The following SLC51A variants were observed in gnomAD, a reference collection of about 807,000 sequenced individuals.
The protein encoded by SLC51A is organic solute transporter subunit alpha.
SLC51A carries 22 observed loss-of-function variants against 34.8 expected under a neutral mutation model. The observed-to-expected ratio is 0.63, with a 90% CI of 0.45 to 0.90. The LOEUF (loss-of-function observed/expected upper bound fraction) is 0.90. Among genes scored for constraint, SLC51A ranks in the 40% least tolerant of loss-of-function variants. The probability of loss-of-function intolerance (pLI) is 0.00; values close to 1 mark genes in which losing one functional copy is unlikely to be tolerated. For synonymous variants in SLC51A, 181 were observed against 176.3 expected (o/e 1.03, Z -0.21); for missense variants, 371 against 414.8 (o/e 0.89, Z 0.92).
intron 1 of SLC51A, among the ~76,000 whole-genome samples, chr3:196,217,265 G>C (rs1464175440): frequency 6.6e-6 from 1 of 152,228 alleles, no homozygotes; most frequent in African/African-American, 2.4e-5. Context: ...TGTAATCCCA[G>C]CACTTTGGGA....
Position 196,233,287 on chromosome 3 carries a change from C to G in SLC51A, c.*88C>G. On this transcript the variant is annotated 3_prime_UTR_variant, in exon 9 of 9. Coordinates refer to ENST00000296327, the MANE Select transcript of SLC51A (RefSeq NM_152672.6). Reference sequence around the variant, plus strand: ...CCCTCAACCTTGACCAAATGGGAAGCATTCCCCCTTGTCAACACAAGCTGG... The same window carrying G: ...CCCTCAACCTTGACCAAATGGGAAGGATTCCCCCTTGTCAACACAAGCTGG... 7.1e-7 allele frequency: 1 copy of G among 1,418,252 alleles called. No homozygotes were observed. The highest frequency in any genetic ancestry group is 1.8e-4 in the Middle Eastern group (1 of 5,514). The allele number at this position is 1,418,252 out of a possible 1,614,324, so 87.9% of individuals were successfully genotyped here.
intron 2 of SLC51A, among the ~76,000 whole-genome samples, chr3:196,220,406 G>A (rs1560151607): frequency 1.3e-5 from 2 of 152,284 alleles, no homozygotes; most frequent in African/African-American, 4.8e-5. Flanking sequence ...AGATCAGCCT[G>A]GCCAATGTGG....
In SLC51A at chr3:196,228,968, T is replaced by C. The variant is rs1419724403; in HGVS notation, c.633+48T>C. The C allele has an allele frequency of 7.0e-7, 1 of 1,431,076 alleles. No homozygotes were observed. The allele number at this position is 1,431,076 out of a possible 1,614,324, so 88.6% of individuals were successfully genotyped here. ...CACAGTCCAAGACTCATTTAGTACCTTTGTGTTCTAAAAGGAATCACCAGA... is the reference window on the plus strand; with the variant it reads ...CACAGTCCAAGACTCATTTAGTACCCTTGTGTTCTAAAAGGAATCACCAGA... On this transcript the variant is annotated intron_variant, in intron 6 of 8. Coordinates refer to ENST00000296327, the MANE Select transcript of SLC51A (RefSeq NM_152672.6). The surrounding 1 kb of genome is among the most constrained non-coding windows in gnomAD (Gnocchi z 4.9).
chr3:196,229,825 G>C, intron 6 of SLC51A, 90 bp from the exon 7 acceptor site: 4 of 1,452,090 alleles, frequency 2.8e-6, no homozygotes, highest in Non-Finnish European at 3.7e-6. Context: ...TGCACTTTCA[G>C]CTGGGTGACA....
rs539723182 is a variant in SLC51A at position 196,225,137 on chromosome 3, C to A, written c.134-1828C>A. ...CACAGGCAGGCGCCACCACACCCGG[C>A]TAATTTCTGTATTTTTAGTAGAGGT... On this transcript the variant is annotated intron_variant, in intron 2 of 8. Transcript: ENST00000296327. 4.7e-3 allele frequency among the ~76,000 whole-genome samples: 710 copies of A among 151,908 alleles called. 6 individuals are homozygous for A. The highest frequency in any genetic ancestry group is 0.017 in the African/African-American group (691 of 41,406).
At chr3:196,225,867 C>T (rs1723878828) in intron 2 of SLC51A, 1 of 152,192 alleles carries the variant, frequency 6.6e-6, no homozygotes. Context: ...GAACGTAGGG[C>T]CTGGGCAGCT....
intron 2 of SLC51A, among the ~76,000 whole-genome samples, chr3:196,218,202 C>T (rs1027536761): frequency 6.6e-6 from 1 of 152,234 alleles, no homozygotes; most frequent in Admixed American, 6.5e-5. Flanking sequence ...ATTCAAACTG[C>T]GGACACTGCG....
rs1212723595 is a variant in SLC51A at position 196,233,046 on chromosome 3, T to G, written c.887-17T>G. On this transcript the variant is annotated splice_polypyrimidine_tract_variant and intron_variant, in intron 8 of 8. Transcript: ENST00000296327. Reference sequence around the variant, plus strand: ...TAACTCAGCATAACCTACGCTGTATTTCACCCTACACTGCAGTGATGAATT... The same window carrying G: ...TAACTCAGCATAACCTACGCTGTATGTCACCCTACACTGCAGTGATGAATT... 2 of 1,613,384 alleles carry G rather than the reference T, an allele frequency of 1.2e-6. No homozygotes were observed. The highest frequency in any genetic ancestry group is 1.7e-6 in the Non-Finnish European group (2 of 1,179,660).
chr3:196,218,849 T>TAAAAA (rs34144545), intron 2 of SLC51A, among the ~76,000 whole-genome samples: 1 of 146,886 alleles, frequency 6.8e-6, no homozygotes. Flanking sequence ...AAACAGTAAT[T>TAAAAA]AAAAAAAAAA....
chr3:196,221,993 C>G (rs1244747521), intron 2 of SLC51A, among the ~76,000 whole-genome samples: 1 of 152,164 alleles, frequency 6.6e-6, no homozygotes, highest in Non-Finnish European at 1.5e-5. Flanking sequence ...GCTGGGATGA[C>G]AGGCGTGAGC....
rs762542465 is a variant in SLC51A, at chr3:196,216,788, C to CGGCGGCG, written c.38+38_38+39insGGCGGCG. On this transcript the variant is annotated intron_variant, in intron 1 of 8. Coordinates refer to ENST00000296327, the MANE Select transcript of SLC51A (RefSeq NM_152672.6). This position sits in a 1 kb window ranked among gnomAD's most constrained non-coding sequence, Gnocchi z 4.5. Reference sequence around the variant, plus strand: ...GGCGGGCCCTGGGCCAGTCGCTGGGCAGCGGTGGCCCCTATCCCGCGGCCT... The same window carrying CGGCGGCG: ...GGCGGGCCCTGGGCCAGTCGCTGGGCGGCGGCGAGCGGTGGCCCCTATCCCGCGGCCT... 1.3e-6 allele frequency: 2 copies of CGGCGGCG among 1,550,860 alleles called. No homozygotes were observed. The highest frequency in any genetic ancestry group is 1.7e-6 in the Non-Finnish European group (2 of 1,146,070).
chr3:196,227,744 G>A lies in SLC51A; in HGVS notation c.362+7G>A. ...TGGAAATGACCATCACCTCGTGAGT[G>A]CCCTGCCTCGCCCCACCTCCAAGGG... On this transcript the variant is annotated splice_region_variant and intron_variant, in intron 4 of 8. Transcript: ENST00000296327. 1 of 1,607,714 alleles carries A rather than the reference G, an allele frequency of 6.2e-7. No homozygotes were observed.
At position 196,228,802 on chromosome 3, in the gene SLC51A, C is replaced by T. The variant is rs1488534773; in HGVS notation, c.522-7C>T. Reference sequence around the variant, plus strand: ...GGCCCATGTTCCTAACCCTCTTCCCCACTCAGGAAGAAGCTTCAGCTGCTG... The same window carrying T: ...GGCCCATGTTCCTAACCCTCTTCCCTACTCAGGAAGAAGCTTCAGCTGCTG... On this transcript the variant is annotated splice_polypyrimidine_tract_variant and splice_region_variant and intron_variant, in intron 5 of 8. Transcript: ENST00000296327. The surrounding 1 kb of genome is among the most constrained non-coding windows in gnomAD (Gnocchi z 4.9). 4 of 1,608,914 alleles carry T rather than the reference C, an allele frequency of 2.5e-6. No homozygotes were observed. Among genetic ancestry groups the T allele is most frequent in the Non-Finnish European group, 3.4e-6 (4 of 1,175,358 alleles).
Position 196,233,273 on chromosome 3 carries a change from GA to G in SLC51A, c.*75del. On this transcript the variant is annotated 3_prime_UTR_variant, in exon 9 of 9. Transcript: ENST00000296327. Reference sequence around the variant, plus strand: ...GATTCCTTTACTGTCCCTCAACCTTGACCAAATGGGAAGCATTCCCCCTTGT... The same window carrying G: ...GATTCCTTTACTGTCCCTCAACCTTGCCAAATGGGAAGCATTCCCCCTTGT... 1 of 1,514,548 alleles carries G rather than the reference GA, an allele frequency of 6.6e-7. No homozygotes were observed. The highest frequency in any genetic ancestry group is 9.0e-7 in the Non-Finnish European group (1 of 1,116,118). The allele number at this position is 1,514,548 out of a possible 1,614,324, so 93.8% of individuals were successfully genotyped here. A position where few individuals can be genotyped will look rare whatever the true frequency, so the allele number is the denominator to read the frequency against.
chr3:196,218,091 G>A (rs1289586245), intron 2 of SLC51A, among the ~76,000 whole-genome samples, 155 bp downstream of exon 2: 1 of 152,214 alleles, frequency 6.6e-6, no homozygotes, highest in African/African-American at 2.4e-5. Context: ...CTGGAGAAGG[G>A]CAATGCCTCA....
intron 6 of SLC51A, 64 bp from the exon 7 acceptor site, chr3:196,229,851 T>C: frequency 2.6e-6 from 4 of 1,522,880 alleles, no homozygotes; most frequent in Non-Finnish European, 3.5e-6. Flanking sequence ...ACACCATCTC[T>C]TGAAAGAGAG....
At position 196,216,605 on chromosome 3, in the gene SLC51A, C is replaced by A. The variant is rs549080859; in HGVS notation, c.-108C>A. ...GGGGAAGACTCTGCAATTCTGCTTG[C>A]CCCCCACCCCGGCCCAGGCAAGCCA... is the stretch of plus-strand genomic sequence containing the variant. On this transcript the variant is annotated 5_prime_UTR_variant, in exon 1 of 9. Transcript: ENST00000296327. The surrounding 1 kb of genome is among the most constrained non-coding windows in gnomAD (Gnocchi z 4.5). 3.8e-4 allele frequency: 425 copies of A among 1,114,016 alleles called. 2 individuals carry two copies. In the African/African-American group the frequency reaches 5.7e-3, roughly 15 times the overall value. 69.0% of individuals were successfully genotyped at this position (1,114,016 alleles called of 1,614,324 possible).
At chr3:196,227,353 A>C (rs1723923632) in intron 3 of SLC51A, 1 of 594,610 alleles carries the variant, frequency 1.7e-6, no homozygotes, top group Non-Finnish European at 3.0e-6. Flanking sequence ...TCAGCCCACC[A>C]GCCGCCTCAT....
intron 2 of SLC51A, among the ~76,000 whole-genome samples, chr3:196,223,356 T>C (rs912733367): frequency 1.3e-5 from 2 of 151,710 alleles, no homozygotes; most frequent in Admixed American, 1.3e-4. Flanking sequence ...CTCCGTGGAG[T>C]GTGCACCACA....
Sources: allele counts gnomAD v4.1 joint callset (sites outside exome capture counted in the v4.1 genomes callset), GRCh38; gene constraint gnomAD v4.1.1; non-coding constraint Gnocchi (gnomAD v3.1); transcripts MANE v1.5; gene names NCBI Gene and HGNC (gene_info 2026-07-23, HGNC 2026-07-21).